Variants in SGCD observed in about 807,000 individuals in gnomAD.
The protein encoded by SGCD is sarcoglycan delta, also known as delta-sarcoglycan.
In SGCD, 18 loss-of-function variants were observed where a neutral mutation model predicts 36.6. That is an observed-to-expected ratio of 0.49 (90% CI 0.34 to 0.73). The LOEUF (loss-of-function observed/expected upper bound fraction) is 0.73. Among genes scored for constraint, SGCD ranks in the 30% least tolerant of loss-of-function variants. SGCD has a pLI of 0.01. For synonymous variants in SGCD, 133 were observed against 130.6 expected, an observed-to-expected ratio of 1.02 and a Z score of -0.12; for missense variants, 387 against 346.7, an observed-to-expected ratio of 1.12 and a Z score of -0.92.
At chr5:155,949,702 C>T (rs1210325823) in intron 1 of SGCD, among the ~76,000 whole-genome samples, 1 of 152,108 alleles carries the variant, frequency 6.6e-6, no homozygotes, top group Non-Finnish European at 1.5e-5. Context: ...TGGAACATGG[C>T]CACACTTACT....
chr5:155,773,168 C>T, the SGCD span, among the ~76,000 whole-genome samples: 3 of 152,112 alleles, frequency 2.0e-5, no homozygotes, highest in African/African-American at 7.2e-5. Flanking sequence ...CCTCTCCTGC[C>T]TTTTAGAAGT....
At chr5:155,980,448 C>A (rs4413516) in intron 1 of SGCD, among the ~76,000 whole-genome samples, 1 of 151,506 alleles carries the variant, frequency 6.6e-6, no homozygotes, top group Admixed American at 6.6e-5. Flanking sequence ...TGTAGCCAGG[C>A]GTGGTGGCAG....
At chr5:156,219,442 A>G (rs1764662224) in intron 3 of SGCD, among the ~76,000 whole-genome samples, 1 of 152,218 alleles carries the variant, frequency 6.6e-6, no homozygotes, top group Non-Finnish European at 1.5e-5. Flanking sequence ...CGGACATAGT[A>G]GGTCAGTATA....
intron 3 of SGCD, among the ~76,000 whole-genome samples, chr5:156,172,071 T>C (rs1397282600): frequency 6.6e-6 from 1 of 152,064 alleles, no homozygotes; most frequent in African/African-American, 2.4e-5. Flanking sequence ...TCACCTGAGG[T>C]CAGGAGTTTG....
intron 3 of SGCD, among the ~76,000 whole-genome samples, chr5:156,262,658 C>T (rs1300429108): frequency 6.6e-6 from 1 of 151,942 alleles, no homozygotes; most frequent in African/African-American, 2.4e-5. Flanking sequence ...ACACTGTACC[C>T]AATTTGTAGT....
chr5:156,684,419 G>A lies in SGCD; in HGVS notation c.575+36883G>A, dbSNP rs116774256. On this transcript the variant is annotated intron_variant, in intron 7 of 8. Coordinates refer to ENST00000337851, the MANE Select transcript of SGCD (RefSeq NM_000337.6). ...CTTGACCTCTGTTTTGCTCCTCTGC[G>A]CTATAGATTCCAGCTATGGTGAATT... Among the ~76,000 whole-genome samples the A allele has an allele frequency of 2.9e-3, 448 of 152,262 alleles. 4 individuals carry two copies. Among genetic ancestry groups the A allele is most frequent in the African/African-American group, 0.01 (427 of 41,544 alleles).
At chr5:156,194,110 T>TCATGC (rs1763962746) in intron 3 of SGCD, among the ~76,000 whole-genome samples, 1 of 152,226 alleles carries the variant, frequency 6.6e-6, no homozygotes, top group Non-Finnish European at 1.5e-5. Flanking sequence ...GTGCTGTGGC[T>TCATGC]CATGCCTGTA....
At chr5:156,050,623 A>T (rs1393608140) in intron 1 of SGCD, among the ~76,000 whole-genome samples, 1 of 146,444 alleles carries the variant, frequency 6.8e-6, no homozygotes, top group Non-Finnish European at 1.5e-5. Flanking sequence ...GCTGTGGTAA[A>T]GCACCACAAA....
chr5:156,427,341 T>C (rs561486513), intron 3 of SGCD, among the ~76,000 whole-genome samples: 2 of 152,124 alleles, frequency 1.3e-5, no homozygotes, highest in Non-Finnish European at 2.9e-5. Flanking sequence ...GATTCTCAGC[T>C]TTGTCGTTGT....
At chr5:155,984,879 A>G (rs1758298526) in intron 1 of SGCD, among the ~76,000 whole-genome samples, 1 of 152,156 alleles carries the variant, frequency 6.6e-6, no homozygotes, top group East Asian at 1.9e-4. Flanking sequence ...TGTTTGTTTA[A>G]TACTTCTGTC....
At chr5:155,915,004 G>A (rs925054357) in intron 1 of SGCD, among the ~76,000 whole-genome samples, 3 of 152,136 alleles carry the variant, frequency 2.0e-5, no homozygotes, top group African/African-American at 7.2e-5. Context: ...ACTCCCAGGA[G>A]GGTGATAAAA....
chr5:156,700,526 A>T (rs1754486532), intron 7 of SGCD, among the ~76,000 whole-genome samples: 1 of 152,130 alleles, frequency 6.6e-6, no homozygotes, highest in Admixed American at 6.6e-5. Context: ...CCTGCAATGA[A>T]TCTCATTCCT....
At chr5:156,518,489 T>C (rs1757276727) in intron 4 of SGCD, among the ~76,000 whole-genome samples, 1 of 152,198 alleles carries the variant, frequency 6.6e-6, no homozygotes, top group African/African-American at 2.4e-5. Flanking sequence ...CAAGTGGGCC[T>C]GATAGATATC....
At chr5:156,574,844 C>T (rs902990352) in intron 4 of SGCD, among the ~76,000 whole-genome samples, 11 of 152,142 alleles carry the variant, frequency 7.2e-5, no homozygotes, top group African/African-American at 2.7e-4. Flanking sequence ...CAAACTTTTC[C>T]TGAAAGAGGG....
At chr5:156,463,257 T>A (rs1754568880) in intron 3 of SGCD, among the ~76,000 whole-genome samples, 1 of 152,158 alleles carries the variant, frequency 6.6e-6, no homozygotes, top group African/African-American at 2.4e-5. Flanking sequence ...TTAGCCAGGA[T>A]GGTCTCGATC....
intron 7 of SGCD, among the ~76,000 whole-genome samples, chr5:156,669,798 A>G (rs1018660066): frequency 6.6e-6 from 1 of 152,182 alleles, no homozygotes; most frequent in Non-Finnish European, 1.5e-5. Flanking sequence ...GCCTTGAACC[A>G]GGATTGATTG....
chr5:155,943,535 A>C (rs1757376578), intron 1 of SGCD, among the ~76,000 whole-genome samples: 1 of 152,196 alleles, frequency 6.6e-6, no homozygotes, highest in Non-Finnish European at 1.5e-5. Flanking sequence ...GGACTGTAAT[A>C]ACTAATTTTA....
Position 155,930,942 on chromosome 5 carries a change from A to C in SGCD, c.-282+60518A>C, listed in dbSNP as rs147187496. ...GACATTTGTATCAGGTTTTATGTTA[A>C]GCCTCATATAATCTTGTTTTGAAGT... On this transcript the variant is annotated intron_variant, in intron 1 of 9. Transcript: ENST00000517913. 5.5e-3 allele frequency among the ~76,000 whole-genome samples: 838 copies of C among 152,302 alleles called. 4 individuals are homozygous for C. Among genetic ancestry groups the C allele is most frequent in the Middle Eastern group, 0.027 (8 of 294 alleles).
At chr5:156,278,001 T>A (rs958730304) in intron 3 of SGCD, among the ~76,000 whole-genome samples, 1 of 151,970 alleles carries the variant, frequency 6.6e-6, no homozygotes, top group African/African-American at 2.4e-5. Flanking sequence ...TAAGGGAAAA[T>A]AATAGGTTCA....
Sources: allele counts gnomAD v4.1 joint callset (sites outside exome capture counted in the v4.1 genomes callset), GRCh38; gene constraint gnomAD v4.1.1; transcripts MANE v1.5; gene names NCBI Gene and HGNC (gene_info 2026-07-23, HGNC 2026-07-21).